RFT1: variants seen among roughly 807,000 people sequenced by gnomAD.
The protein encoded by RFT1 is RFT1 glycolipid translocator homolog.
A neutral mutation model predicts 62.2 loss-of-function variants in RFT1; 43 were observed. The ratio of observed to expected loss-of-function variants is 0.69; its 90% CI spans 0.54 to 0.89. RFT1 has a LOEUF of 0.89. Ranked by LOEUF, RFT1 falls within the 40% of genes least tolerant of loss-of-function variation. The pLI, the probability that RFT1 is intolerant of heterozygous loss-of-function variation, is 0.00. For synonymous variants in RFT1, 262 were observed against 264.6 expected (o/e 0.99, Z 0.10); for missense variants, 605 against 649.9 (o/e 0.93, Z 0.75).
the RFT1 span, among the ~76,000 whole-genome samples, chr3:53,081,894 C>T: frequency 6.6e-6 from 1 of 152,076 alleles, no homozygotes; most frequent in Non-Finnish European, 1.5e-5. Flanking sequence ...CATGGAAGGT[C>T]AGGGATGGAT....
chr3:53,098,376 T>A (rs577646186), intron 11 of RFT1, among the ~76,000 whole-genome samples: 3 of 152,020 alleles, frequency 2.0e-5, no homozygotes, highest in African/African-American at 7.3e-5. Context: ...ATCTTTTACA[T>A]GAGCCAGCGC....
At position 53,122,431 on chromosome 3, in the gene RFT1, C is replaced by T. The variant is rs766609084; in HGVS notation, c.399G>A (p.Glu133=). The T allele has an allele frequency of 6.2e-7, 1 of 1,614,066 alleles. No individual in the cohort carries two copies. Among genetic ancestry groups the T allele is most frequent in the Non-Finnish European group, 8.5e-7 (1 of 1,180,028 alleles). Residue 133 remains glutamate (E), a synonymous_variant, in exon 4 of 13, where the codon GAG becomes GAA. Transcript: ENST00000296292. ...VVLFGLSAVV[E]LLGEPFWVLA... ...AGACCCAAAAGGGCTCTCCTAGAAG[C>T]TCCACCACTGCCGAGAGACCAAACA...
chr3:53,125,228 T>C (rs1222465813), intron 2 of RFT1, among the ~76,000 whole-genome samples: 1 of 152,178 alleles, frequency 6.6e-6, no homozygotes, highest in Non-Finnish European at 1.5e-5. Flanking sequence ...CTGGAACATA[T>C]TGTCTTATTT....
intron 9 of RFT1, among the ~76,000 whole-genome samples, chr3:53,104,508 C>T (rs1337487772): frequency 6.6e-6 from 1 of 152,116 alleles, no homozygotes; most frequent in Non-Finnish European, 1.5e-5. Context: ...GGCTTACAGG[C>T]ATGAGCCACT....
intron 10 of RFT1, among the ~76,000 whole-genome samples, chr3:53,101,047 G>T (rs930605824): frequency 2.6e-5 from 4 of 152,176 alleles, no homozygotes; most frequent in Non-Finnish European, 5.9e-5. Context: ...CTCATTCAGG[G>T]TTTATGAAAG....
At chr3:53,107,327 TG>T (rs1421295809) in intron 7 of RFT1, among the ~76,000 whole-genome samples, 1 of 151,918 alleles carries the variant, frequency 6.6e-6, no homozygotes, top group Non-Finnish European at 1.5e-5. Context: ...TTAGTAGAGA[TG>T]GGGTTTCACT....
chr3:53,099,177 C>T (rs1333882521), intron 11 of RFT1, among the ~76,000 whole-genome samples: 1 of 152,172 alleles, frequency 6.6e-6, no homozygotes, highest in African/African-American at 2.4e-5. Context: ...GTAGTTGCTG[C>T]CTCCCAGCCC....
At chr3:53,124,098 G>C (rs977795297) in intron 2 of RFT1, among the ~76,000 whole-genome samples, 3 of 152,324 alleles carry the variant, frequency 2.0e-5, no homozygotes, top group Middle Eastern at 3.4e-3. Flanking sequence ...GGCCTCAAAA[G>C]GCTTCAGCCT....
intron 8 of RFT1, among the ~76,000 whole-genome samples, chr3:53,106,263 A>C (rs1701471840): frequency 6.6e-6 from 1 of 152,054 alleles, no homozygotes; most frequent in Non-Finnish European, 1.5e-5. Context: ...AAAAGACAAA[A>C]AAATAGGAAG....
chr3:53,069,336 A>T, the RFT1 span, among the ~76,000 whole-genome samples: 1 of 152,226 alleles, frequency 6.6e-6, no homozygotes, highest in Non-Finnish European at 1.5e-5. Flanking sequence ...TAGGTTAGGC[A>T]TATTAAATAC....
intron 1 of RFT1, among the ~76,000 whole-genome samples, chr3:53,129,246 T>C (rs1702193411): frequency 1.3e-5 from 2 of 152,232 alleles, no homozygotes. Context: ...TAAAAATACT[T>C]ATTACCCTAA....
the RFT1 span, among the ~76,000 whole-genome samples, chr3:53,082,493 A>C: frequency 6.6e-6 from 1 of 152,214 alleles, no homozygotes; most frequent in African/African-American, 2.4e-5. Context: ...AAATGAAATA[A>C]TAATAACAAT....
At chr3:53,104,217 G>T in intron 9 of RFT1, 120 bp from the exon 10 acceptor site, 1 of 986,292 alleles carries the variant, frequency 1.0e-6, no homozygotes. Context: ...CAGCGTGATG[G>T]ATATCACTAT....
chr3:53,107,864 T>A (rs945007923), intron 7 of RFT1, among the ~76,000 whole-genome samples: 6 of 152,120 alleles, frequency 3.9e-5, no homozygotes. Context: ...AAGGAAAGCA[T>A]CAAGAGGCTA....
At chr3:53,071,376 T>C in the RFT1 span, among the ~76,000 whole-genome samples, 1 of 152,166 alleles carries the variant, frequency 6.6e-6, no homozygotes, top group Non-Finnish European at 1.5e-5. Context: ...AACTCTGCAG[T>C]CTGTGAGGTT....
intron 12 of RFT1, 87 bp downstream of exon 12, chr3:53,092,282 G>C: frequency 6.5e-7 from 1 of 1,546,086 alleles, no homozygotes; most frequent in South Asian, 1.2e-5. Flanking sequence ...GACAGGAGGA[G>C]GCAAAAACCT....
chr3:53,075,085 G>C, the RFT1 span, among the ~76,000 whole-genome samples: 1 of 152,000 alleles, frequency 6.6e-6, no homozygotes, highest in Non-Finnish European at 1.5e-5. Context: ...GGTGTATGTC[G>C]GGCCTGACCC....
At chr3:53,104,165 T>C in intron 9 of RFT1, 68 bp from the exon 10 acceptor site, 2 of 1,517,252 alleles carry the variant, frequency 1.3e-6, no homozygotes, top group South Asian at 1.1e-5. Context: ...ATCCTTCACG[T>C]CTGGCCTTCT....
At chr3:53,124,154 G>A (rs554164009) in intron 2 of RFT1, among the ~76,000 whole-genome samples, 2 of 152,228 alleles carry the variant, frequency 1.3e-5, no homozygotes, top group Non-Finnish European at 2.9e-5. Context: ...AGGAGGAGAA[G>A]AAGATAAGAT....
Sources: allele counts gnomAD v4.1 joint callset (sites outside exome capture counted in the v4.1 genomes callset), GRCh38; gene constraint gnomAD v4.1.1; transcripts MANE v1.5; gene names NCBI Gene and HGNC (gene_info 2026-07-23, HGNC 2026-07-21).